The following GXYLT2 variants were observed in gnomAD, a reference collection of about 807,000 sequenced individuals.
GXYLT2 encodes glycosyltransferase 8 domain containing 4.
Under a neutral mutation model 45.8 loss-of-function variants are expected in GXYLT2, and 53 were observed. The ratio of observed to expected loss-of-function variants is 1.16; its 90% confidence interval spans 0.93 to 1.46. GXYLT2 has a LOEUF of 1.46. GXYLT2 is among the 40% of genes most tolerant of loss of function. The pLI is 0.00. For synonymous variants in GXYLT2, 219 were observed against 214.2 expected, an observed-to-expected ratio of 1.02 and a Z score of -0.19; for missense variants, 551 against 544.4, an observed-to-expected ratio of 1.01 and a Z score of -0.12.
rs1710405477 is a variant in GXYLT2 at position 72,946,324 on chromosome 3, A to C, written c.601-8774A>C. ...AAAAAAGGATGTCATTTTAAAGTAC[A>C]TTTGAGGGCCTTATCATCTTAATGA... On this transcript the variant is annotated intron_variant, in intron 3 of 6. Transcript: ENST00000389617. 2.0e-5 allele frequency among the ~76,000 whole-genome samples: 3 copies of C among 147,874 alleles called. No homozygotes were observed. The South Asian group carries it at 6.5e-4, about 32-fold the overall frequency.
At chr3:72,925,400 C>T (rs1397657498) in intron 3 of GXYLT2, among the ~76,000 whole-genome samples, 4 of 152,142 alleles carry the variant, frequency 2.6e-5, no homozygotes, top group African/African-American at 9.7e-5. Flanking sequence ...AGGTGATCCG[C>T]CCGCCTCGGC....
At chr3:72,896,467 G>A (rs1004733492) in intron 1 of GXYLT2, among the ~76,000 whole-genome samples, 3 of 152,076 alleles carry the variant, frequency 2.0e-5, no homozygotes, top group African/African-American at 7.2e-5. Context: ...TTTCTTGTGG[G>A]GGTAGGTATG....
chr3:72,935,766 A>G (rs575041951), intron 3 of GXYLT2, among the ~76,000 whole-genome samples: 3 of 152,310 alleles, frequency 2.0e-5, no homozygotes, highest in South Asian at 4.1e-4. Flanking sequence ...CCAAACTACA[A>G]ATTAAGTGTC....
chr3:72,905,166 G>T (rs1709488397), intron 1 of GXYLT2, among the ~76,000 whole-genome samples: 1 of 151,700 alleles, frequency 6.6e-6, no homozygotes, highest in African/African-American at 2.4e-5. Context: ...CACCCAGGCT[G>T]GAGTGCAGTG....
chr3:72,907,485 C>G (rs1411654423), intron 1 of GXYLT2, among the ~76,000 whole-genome samples: 2 of 152,044 alleles, frequency 1.3e-5, no homozygotes, highest in African/African-American at 4.8e-5. Flanking sequence ...CTCAGGGCAC[C>G]TTTTCCAGGC....
intron 2 of GXYLT2, among the ~76,000 whole-genome samples, chr3:72,915,428 C>T (rs539591508): frequency 3.7e-5 from 5 of 135,468 alleles, no homozygotes; most frequent in Admixed American, 2.5e-4. Flanking sequence ...AATTTAAAGA[C>T]GTATACAATC....
At chr3:72,963,595 T>C (rs1242925843) in intron 5 of GXYLT2, among the ~76,000 whole-genome samples, 2 of 148,052 alleles carry the variant, frequency 1.4e-5, no homozygotes, top group African/African-American at 2.5e-5. Context: ...CTCCACATCC[T>C]GGGCTCAAGT....
chr3:72,925,525 T>C (rs941307263), intron 3 of GXYLT2, among the ~76,000 whole-genome samples: 7 of 152,064 alleles, frequency 4.6e-5, no homozygotes, highest in Admixed American at 1.3e-4. Flanking sequence ...AGGAAAAGAC[T>C]CCCTCCAATT....
At chr3:72,972,923 T>C (rs1711021609) in intron 6 of GXYLT2, among the ~76,000 whole-genome samples, 2 of 151,790 alleles carry the variant, frequency 1.3e-5, no homozygotes, top group South Asian at 4.2e-4. Context: ...AGCAAGACTT[T>C]GCCTCTTTAG....
chr3:72,949,031 G>A (rs1710464713), intron 3 of GXYLT2, among the ~76,000 whole-genome samples: 1 of 152,096 alleles, frequency 6.6e-6, no homozygotes. Context: ...GGTAGAGCCT[G>A]TGTGACTTGC....
intron 1 of GXYLT2, among the ~76,000 whole-genome samples, chr3:72,895,533 G>A (rs1190666363): frequency 6.6e-6 from 1 of 152,108 alleles, no homozygotes; most frequent in East Asian, 1.9e-4. Context: ...AGAGTCTTTG[G>A]AAGAGAATTT....
At chr3:72,888,794 C>T (rs1709119970) in intron 1 of GXYLT2, among the ~76,000 whole-genome samples, 1 of 152,212 alleles carries the variant, frequency 6.6e-6, no homozygotes, top group East Asian at 1.9e-4. Context: ...TGCACTCTTG[C>T]AAACATGCAC....
At chr3:72,964,460 C>A (rs974905832) in intron 5 of GXYLT2, among the ~76,000 whole-genome samples, 2 of 151,966 alleles carry the variant, frequency 1.3e-5, no homozygotes, top group Non-Finnish European at 2.9e-5. Context: ...GTAGCTGGGA[C>A]TACAGGCACA....
At chr3:72,922,854 C>T (rs1026860069) in intron 3 of GXYLT2, among the ~76,000 whole-genome samples, 2 of 152,156 alleles carry the variant, frequency 1.3e-5, no homozygotes, top group Admixed American at 6.5e-5. Flanking sequence ...CATGGCGGCT[C>T]ACACCTATAA....
At chr3:72,889,295 T>G (rs1297457834) in intron 1 of GXYLT2, among the ~76,000 whole-genome samples, 2 of 152,206 alleles carry the variant, frequency 1.3e-5, no homozygotes, top group Non-Finnish European at 2.9e-5. Flanking sequence ...AACAATCCCC[T>G]TGTCTTGTAG....
intron 2 of GXYLT2, among the ~76,000 whole-genome samples, chr3:72,916,786 T>G (rs1333181123): frequency 6.6e-6 from 1 of 151,380 alleles, no homozygotes; most frequent in Non-Finnish European, 1.5e-5. Context: ...GCCTCCCAAA[T>G]TTTAGGATTA....
intron 1 of GXYLT2, among the ~76,000 whole-genome samples, chr3:72,905,157 AC>A (rs1456537085): frequency 6.6e-6 from 1 of 151,048 alleles, no homozygotes; most frequent in African/African-American, 2.4e-5. Context: ...TCTCACTCTC[AC>A]CCAGGCTGGA....
At chr3:72,903,184 C>G (rs1052582632) in intron 1 of GXYLT2, among the ~76,000 whole-genome samples, 4 of 152,176 alleles carry the variant, frequency 2.6e-5, no homozygotes, top group African/African-American at 9.7e-5. Flanking sequence ...TTACTAGCAC[C>G]TATGCATCAC....
intron 5 of GXYLT2, among the ~76,000 whole-genome samples, chr3:72,959,048 T>A (rs1257482154): frequency 1.4e-5 from 2 of 146,148 alleles, no homozygotes; most frequent in Non-Finnish European, 3.0e-5. Context: ...GCTCAAGTGA[T>A]CCTCCCACCT....
Sources: allele counts gnomAD v4.1 joint callset (sites outside exome capture counted in the v4.1 genomes callset), GRCh38; gene constraint gnomAD v4.1.1; transcripts MANE v1.5; gene names NCBI Gene and HGNC (gene_info 2026-07-23, HGNC 2026-07-21).